NUP37: variants seen among roughly 807,000 people sequenced by gnomAD.
NUP37 encodes nucleoporin 37.
Under a neutral mutation model 45.4 loss-of-function variants are expected in NUP37, and 33 were observed. That is an observed-to-expected ratio of 0.73 (90% CI 0.55 to 0.97). The LOEUF (loss-of-function observed/expected upper bound fraction) is 0.97. Ranked by LOEUF, NUP37 falls within the 50% of genes least tolerant of loss-of-function variation. NUP37 has a pLI of 0.00. For synonymous variants in NUP37, 127 were observed against 130.7 expected (o/e 0.97, Z 0.19); for missense variants, 365 against 389.7 (o/e 0.94, Z 0.53).
intron 3 of NUP37, among the ~76,000 whole-genome samples, chr12:102,107,290 G>A (rs17438262): frequency 0.13 from 19,144 of 152,132 alleles, 1,553 homozygotes; most frequent in Non-Finnish European, 0.18. Flanking sequence ...GGTATGATAG[G>A]TTGCTAATGC....
At chr12:102,094,533 A>C (rs1335863099) in intron 5 of NUP37, among the ~76,000 whole-genome samples, 1 of 152,060 alleles carries the variant, frequency 6.6e-6, no homozygotes, top group Non-Finnish European at 1.5e-5. Context: ...ACTCCATCTT[A>C]ATTATGGATC....
At chr12:102,095,465 G>C (rs1276816478) in intron 5 of NUP37, among the ~76,000 whole-genome samples, 1 of 152,006 alleles carries the variant, frequency 6.6e-6, no homozygotes, top group Non-Finnish European at 1.5e-5. Context: ...ATATGCATGT[G>C]AGTGCATCTG....
Position 102,073,597 on chromosome 12 carries a change from GA to G in NUP37, c.*756del. On this transcript the variant is annotated 3_prime_UTR_variant, in exon 10 of 10. Transcript: ENST00000552283. ...TAATCAATCACATATTTAAGAAACT[GA>G]AAACAATTTTTTACATTAAATTGAG... The G allele has an allele frequency of 6.6e-6, 1 of 152,150 alleles. No individual in the cohort carries two copies. Among genetic ancestry groups the G allele is most frequent in the Non-Finnish European group, 1.5e-5 (1 of 68,028 alleles). 9.4% of individuals were successfully genotyped at this position (152,150 alleles called of 1,614,324 possible).
intron 3 of NUP37, among the ~76,000 whole-genome samples, chr12:102,108,920 AG>A (rs1555206963): frequency 2.6e-5 from 4 of 152,214 alleles, no homozygotes; most frequent in Non-Finnish European, 2.9e-5. Flanking sequence ...CCCAACTAAA[AG>A]GGTTTGTAAA....
chr12:102,110,823 C>CA, intron 3 of NUP37, among the ~76,000 whole-genome samples: 1 of 152,248 alleles, frequency 6.6e-6, no homozygotes, highest in East Asian at 1.9e-4. Flanking sequence ...CCAGCCTGGG[C>CA]AATAGAGCCA....
intron 3 of NUP37, among the ~76,000 whole-genome samples, chr12:102,103,618 T>C (rs190187562): frequency 5.3e-5 from 8 of 152,306 alleles, no homozygotes; most frequent in Non-Finnish European, 1.0e-4. Flanking sequence ...TCAAGTACTA[T>C]GTTGACAAAA....
intron 3 of NUP37, among the ~76,000 whole-genome samples, chr12:102,110,093 C>A (rs1880267301): frequency 6.6e-6 from 1 of 152,148 alleles, no homozygotes; most frequent in African/African-American, 2.4e-5. Context: ...ATCTTCACAA[C>A]CTATAAGAAA....
chr12:102,117,500 C>G (rs1880499109), intron 2 of NUP37, among the ~76,000 whole-genome samples: 1 of 152,058 alleles, frequency 6.6e-6, no homozygotes, highest in Non-Finnish European at 1.5e-5. Flanking sequence ...ACCAGATAGT[C>G]CTGAGGGTTG....
At chr12:102,111,274 T>C (rs559009294) in intron 3 of NUP37, among the ~76,000 whole-genome samples, 2 of 152,316 alleles carry the variant, frequency 1.3e-5, no homozygotes, top group Admixed American at 6.5e-5. Context: ...TGGTTGCTTC[T>C]GCAGGGAGTG....
At chr12:102,083,370 GCACA>G (rs1212856525) in intron 6 of NUP37, among the ~76,000 whole-genome samples, 1 of 152,138 alleles carries the variant, frequency 6.6e-6, no homozygotes, top group Non-Finnish European at 1.5e-5. Flanking sequence ...TTTCACTCAT[GCACA>G]TATGCAGAGT....
intron 5 of NUP37, among the ~76,000 whole-genome samples, chr12:102,091,399 C>CAAAAAAAAAAAAAAAAAAAAA: frequency 2.6e-5 from 1 of 37,802 alleles, no homozygotes; most frequent in Non-Finnish European, 4.8e-5. Context: ...GACTCCGTCT[C>CAAAAAAAAAAAAAAAAAAAAA]AAAAAAAAAA....
At chr12:102,116,359 G>A (rs1265915909) in intron 2 of NUP37, among the ~76,000 whole-genome samples, 1 of 152,154 alleles carries the variant, frequency 6.6e-6, no homozygotes, top group African/African-American at 2.4e-5. Context: ...CCTGTAGGAG[G>A]CTGCTTTACT....
At chr12:102,107,809 A>T (rs956759349) in intron 3 of NUP37, among the ~76,000 whole-genome samples, 1 of 152,200 alleles carries the variant, frequency 6.6e-6, no homozygotes, top group Non-Finnish European at 1.5e-5. Flanking sequence ...AAATTAAGCT[A>T]TATTGCTTAA....
At position 102,073,145 on chromosome 12, in the gene NUP37, AAAT is replaced by A. The variant is rs1879078229; in HGVS notation, c.*1206_*1208del. ...ATTTAATCTTTACAGCAACTCCACA[AAAT>A]AATGATTCCTATCTGTACTTTACAA... On this transcript the variant is annotated 3_prime_UTR_variant, in exon 10 of 10. Coordinates refer to ENST00000552283, the MANE Select transcript of NUP37 (RefSeq NM_024057.4). 6.6e-6 allele frequency: 1 copy of A among 152,176 alleles called. No homozygotes were observed. The highest frequency in any genetic ancestry group is 2.1e-4 in the South Asian group (1 of 4,822). 9.4% of individuals were successfully genotyped at this position (152,176 alleles called of 1,614,324 possible). A position where few individuals can be genotyped will look rare whatever the true frequency, so the allele number is the denominator to read the frequency against.
chr12:102,090,439 G>A lies in NUP37; in HGVS notation c.450-4583C>T, dbSNP rs538220584. 1.1e-3 allele frequency among the ~76,000 whole-genome samples: 169 copies of A among 152,196 alleles called. 1 individual carries two copies. Among genetic ancestry groups the A allele is most frequent in the Non-Finnish European group, 2.1e-3 (141 of 68,002 alleles). Reference sequence around the variant, plus strand: ...TGCATTTGTTGCATGTGTATGAAGAGGGAATACAGCTTCTTTGCTTAGCAA... The same window carrying A: ...TGCATTTGTTGCATGTGTATGAAGAAGGAATACAGCTTCTTTGCTTAGCAA... On this transcript the variant is annotated intron_variant, in intron 5 of 9. Transcript: ENST00000552283.
At chr12:102,111,876 T>C (rs1241419728) in intron 3 of NUP37, among the ~76,000 whole-genome samples, 1 of 152,248 alleles carries the variant, frequency 6.6e-6, no homozygotes, top group African/African-American at 2.4e-5. Flanking sequence ...GTAAAAGGTT[T>C]TGTAGTTTGG....
At chr12:102,116,972 A>G (rs1409316216) in intron 2 of NUP37, among the ~76,000 whole-genome samples, 1 of 152,228 alleles carries the variant, frequency 6.6e-6, no homozygotes, top group East Asian at 1.9e-4. Context: ...ACTGCACTCC[A>G]GCCTGGATGA....
At chr12:102,104,798 T>A (rs1467577130) in intron 3 of NUP37, among the ~76,000 whole-genome samples, 1 of 152,236 alleles carries the variant, frequency 6.6e-6, no homozygotes, top group Non-Finnish European at 1.5e-5. Context: ...TCTGTTCCAT[T>A]GGTCTACATA....
At chr12:102,110,748 G>A (rs1880292215) in intron 3 of NUP37, among the ~76,000 whole-genome samples, 1 of 152,132 alleles carries the variant, frequency 6.6e-6, no homozygotes, top group Non-Finnish European at 1.5e-5. Context: ...AGGAGGCTGA[G>A]GTGGGAAGAC....
Sources: gnomAD v4.1 joint callset for allele counts (sites outside exome capture counted in the v4.1 genomes callset) on GRCh38, gnomAD v4.1.1 for gene constraint, MANE v1.5 for transcripts, NCBI Gene and HGNC (gene_info 2026-07-23, HGNC 2026-07-21) for gene names.